Variants in SMG1 observed in about 807,000 individuals in gnomAD.
SMG1 encodes serine/threonine-protein kinase SMG1.
In SMG1, 22 loss-of-function variants were observed where a neutral mutation model predicts 419.9. The observed-to-expected ratio is 0.05, with a 90% CI of 0.04 to 0.07. SMG1 has a LOEUF of 0.07. Among genes scored for constraint, SMG1 ranks in the 10% least tolerant of loss-of-function variants. The pLI is 1.00. For synonymous variants in SMG1, 1,538 were observed against 1,553.5 expected (o/e 0.99, Z 0.23); for missense variants, 3,185 against 4,342.0 (o/e 0.73, Z 7.49).
At position 18,842,305 on chromosome 16, in the gene SMG1, A is replaced by C; in HGVS notation, c.6369T>G (p.Ser2123Arg). 1 of 1,614,012 alleles carries C rather than the reference A, an allele frequency of 6.2e-7. No individual in the cohort carries two copies. The highest frequency in any genetic ancestry group is 8.5e-7 in the Non-Finnish European group (1 of 1,179,890). ...VSARDTVTIH[S>R]VGGTITILPT... ...GTAAGATTGTGATGGTTCCGCCCACACTATGGATTGTGACAGTGTCTCTGG... is the reference window on the plus strand; with the variant it reads ...GTAAGATTGTGATGGTTCCGCCCACCCTATGGATTGTGACAGTGTCTCTGG... The change falls in exon 40 of 63, where the codon AGT becomes AGG. Residue 2123 changes from serine (S) to arginine (R), a missense_variant. By Grantham distance (110) the Ser-to-Arg change is moderately radical (BLOSUM62 -1). This residue lies in a region of SMG1 where 159 missense variants were observed against 196.0 expected (regional missense o/e 0.81). Coordinates refer to ENST00000446231, the MANE Select transcript of SMG1 (RefSeq NM_015092.5).
At chr16:18,854,584 T>C in intron 30 of SMG1, 72 bp downstream of exon 30, 2 of 1,392,590 alleles carry the variant, frequency 1.4e-6, no homozygotes, top group Non-Finnish European at 1.9e-6. Context: ...CCTTATACCA[T>C]ACATACACAG....
intron 1 of SMG1, among the ~76,000 whole-genome samples, chr16:18,900,562 C>T: frequency 6.6e-6 from 1 of 152,052 alleles, no homozygotes; most frequent in Admixed American, 6.6e-5. Flanking sequence ...CATAAAGCAC[C>T]CCAAAATGAC....
At chr16:18,919,634 A>AATGTGTG (rs1555507747) in intron 1 of SMG1, among the ~76,000 whole-genome samples, 12 of 124,568 alleles carry the variant, frequency 9.6e-5, no homozygotes, top group South Asian at 2.9e-4. Context: ...AAAAAAAAAA[A>AATGTGTG]TGTGTGTGTG....
intron 1 of SMG1, chr16:18,911,369 G>C (rs1304070687): frequency 6.6e-6 from 1 of 152,174 alleles, no homozygotes; most frequent in East Asian, 1.9e-4. Context: ...TTACCTGGGT[G>C]TGGTGGCACA....
Position 18,834,919 on chromosome 16 carries a change from A to G in SMG1, c.8303T>C (p.Ile2768Thr), listed in dbSNP as rs2033458082. Residue 2768 changes from isoleucine (I) to threonine (T), a missense_variant, in exon 49 of 63, where the codon ATT becomes ACT. This residue lies in a region of SMG1 where 412 missense variants were observed against 546.6 expected (regional missense o/e 0.75). Transcript: ENST00000446231. Reference sequence around the variant, plus strand: ...TGTAAGGGTACAAAGGGCAGAAATAATAACACTTGCTAGACTCAAAGATCC... The same window carrying G: ...TGTAAGGGTACAAAGGGCAGAAATAGTAACACTTGCTAGACTCAAAGATCC... The part of the protein sequence containing the change: ...EEGSLSLASV[I>T]ISALCTLTRR... The G allele has an allele frequency of 1.9e-6, 3 of 1,614,060 alleles. No individual in the cohort carries two copies. The highest frequency in any genetic ancestry group is 2.2e-5 in the East Asian group (1 of 44,890).
chr16:18,923,551 C>T (rs1208859695), intron 1 of SMG1, among the ~76,000 whole-genome samples: 2 of 151,740 alleles, frequency 1.3e-5, no homozygotes, highest in Admixed American at 6.6e-5. Flanking sequence ...AGAATTTTTC[C>T]TTGTAACCGG....
intron 13 of SMG1, among the ~76,000 whole-genome samples, chr16:18,873,115 C>A (rs1362005704): frequency 3.9e-5 from 6 of 152,258 alleles, no homozygotes; most frequent in South Asian, 2.1e-4. Flanking sequence ...GATCATACCA[C>A]TGCACTCCAG....
In SMG1 at chr16:18,845,477, A is replaced by G. The variant is rs373116735; in HGVS notation, c.6171T>C (p.Thr2057=). ...TCCCAGGCTTTGCAGGGTTCAATGG[A>G]GTCTTCAGTTTTTCTAGGGCATTTT... ...AIENALEKLK[T]PLNPAKPGSS... Residue 2057 remains threonine, a synonymous_variant, in exon 39 of 63, where the codon ACT becomes ACC. Transcript: ENST00000446231. The G allele has an allele frequency of 1.9e-6, 3 of 1,613,802 alleles. No homozygotes were observed. The highest frequency in any genetic ancestry group is 2.7e-5 in the African/African-American group (2 of 74,890).
At position 18,838,694 on chromosome 16, in the gene SMG1, A is replaced by C; in HGVS notation, c.6946-5T>G. The C allele has an allele frequency of 6.4e-7, 1 of 1,574,150 alleles. No individual in the cohort carries two copies. The highest frequency in any genetic ancestry group is 8.6e-7 in the Non-Finnish European group (1 of 1,160,472). On this transcript the variant is annotated splice_region_variant and splice_polypyrimidine_tract_variant and intron_variant, in intron 42 of 62. Coordinates refer to ENST00000446231, the MANE Select transcript of SMG1 (RefSeq NM_015092.5). ...TGCAGTAGATCTTGCATAAGACTAAAGGAAAGGAAATGGGGGCAGCAAGTG... is the reference window on the plus strand; with the variant it reads ...TGCAGTAGATCTTGCATAAGACTAACGGAAAGGAAATGGGGGCAGCAAGTG...
chr16:18,810,514 C>G (rs1002363817), intron 62 of SMG1, among the ~76,000 whole-genome samples: 4 of 152,132 alleles, frequency 2.6e-5, no homozygotes, highest in Admixed American at 2.6e-4. Flanking sequence ...CCATTTTTTA[C>G]CTCACCATGG....
intron 56 of SMG1, 89 bp downstream of exon 56, chr16:18,819,413 G>T: frequency 7.0e-7 from 1 of 1,431,808 alleles, no homozygotes. Context: ...GGGCTCTCAA[G>T]CTCCCCTAGT....
intron 41 of SMG1, among the ~76,000 whole-genome samples, chr16:18,841,361 G>A (rs2033909979): frequency 7.2e-6 from 1 of 138,942 alleles, no homozygotes; most frequent in South Asian, 2.2e-4. Context: ...CCACACCACT[G>A]CACTCCAGCA....
chr16:18,917,135 C>CTTAA lies in SMG1; in HGVS notation c.92+8811_92+8814dup, dbSNP rs796747201. ...CACATATTGAGCTGAACACTTTTAC[C>CTTAA]TTAATTAATTAATTTATTTATTTAT... On this transcript the variant is annotated intron_variant, in intron 1 of 62. Coordinates refer to ENST00000446231, the MANE Select transcript of SMG1 (RefSeq NM_015092.5). Among the ~76,000 whole-genome samples, 140 of 151,470 alleles carry CTTAA rather than the reference C, an allele frequency of 9.2e-4. 6 individuals carry two copies. The East Asian group carries it at 0.022, about 24-fold the overall frequency.
chr16:18,915,709 A>G (rs899625212), intron 1 of SMG1, among the ~76,000 whole-genome samples: 1 of 152,168 alleles, frequency 6.6e-6, no homozygotes, highest in African/African-American at 2.4e-5. Flanking sequence ...AAGTCACTGC[A>G]TATCTGTACC....
chr16:18,819,870 C>T (rs2032358784), intron 55 of SMG1, among the ~76,000 whole-genome samples: 1 of 152,186 alleles, frequency 6.6e-6, no homozygotes, highest in Non-Finnish European at 1.5e-5. Context: ...CAAGAACTGG[C>T]TTTCAGTTTA....
chr16:18,893,885 G>A (rs1414914310), intron 3 of SMG1, among the ~76,000 whole-genome samples: 2 of 151,778 alleles, frequency 1.3e-5, no homozygotes, highest in South Asian at 2.1e-4. Flanking sequence ...GTGGAACTTC[G>A]TCTCTACTGA....
chr16:18,834,495 AC>A (rs1235628351), intron 49 of SMG1, 57 bp from the exon 50 acceptor site: 21 of 1,509,924 alleles, frequency 1.4e-5, no homozygotes, highest in Non-Finnish European at 1.9e-5. Context: ...AAACAAGGTA[AC>A]TGGCCGGGTC....
rs1306141256 is a variant in SMG1, at chr16:18,859,668, C to A, written c.3841G>T (p.Asp1281Tyr). 1 of 1,611,904 alleles carries A rather than the reference C, an allele frequency of 6.2e-7. No individual in the cohort carries two copies. ...KKLLPNMLSPDPRELQKSIEV... is the reference protein window; with the variant it reads ...KKLLPNMLSPYPRELQKSIEV... ...ATGGATTTCTGAAGTTCCCTCGGAT[C>A]CGGACTTAACATGTTAGGAAGCAGT... The change falls in exon 27 of 63, where the codon GAT becomes TAT. Residue 1281 changes from aspartate (D) to tyrosine (Y), a missense_variant. Around this residue, in one of 27 missense-constraint regions of SMG1, gnomAD observed 120 missense variants for 193.3 expected, o/e 0.62. Coordinates refer to ENST00000446231, the MANE Select transcript of SMG1 (RefSeq NM_015092.5).
chr16:18,900,373 C>T (rs1176947084), intron 1 of SMG1, among the ~76,000 whole-genome samples: 1 of 152,146 alleles, frequency 6.6e-6, no homozygotes, highest in African/African-American at 2.4e-5. Flanking sequence ...GGAGGCCATT[C>T]GTTTCAAATG....
Sources: gnomAD v4.1 joint callset for allele counts (sites outside exome capture counted in the v4.1 genomes callset) on GRCh38, gnomAD v4.1.1 for gene constraint, gnomAD v4.1.1 regional missense constraint, MANE v1.5 for transcripts, NCBI Gene and HGNC (gene_info 2026-07-23, HGNC 2026-07-21) for gene names.